The following SEMA3E variants were observed in gnomAD, a reference collection of about 807,000 sequenced individuals.
SEMA3E encodes semaphorin 3E.
Under a neutral mutation model 93.6 loss-of-function variants are expected in SEMA3E, and 49 were observed. The ratio of observed to expected loss-of-function variants is 0.52; its 90% CI spans 0.42 to 0.66. SEMA3E has a LOEUF of 0.66. Ranked by LOEUF, SEMA3E falls within the 30% of genes least tolerant of loss-of-function variation. The pLI is 0.00. For missense variants in SEMA3E, 906 were observed against 964.8 expected, an observed-to-expected ratio of 0.94 and a Z score of 0.81; for synonymous variants, 363 against 330.7, an observed-to-expected ratio of 1.10 and a Z score of -1.06.
At chr7:83,584,045 G>A (rs964205759) in intron 1 of SEMA3E, among the ~76,000 whole-genome samples, 5 of 152,080 alleles carry the variant, frequency 3.3e-5, no homozygotes, top group Non-Finnish European at 4.4e-5. Context: ...GGTAATAAAT[G>A]TTCTTGTTTT....
intron 13 of SEMA3E, 45 bp from the exon 14 acceptor site, chr7:83,392,766 T>C (rs771101409): frequency 1.3e-6 from 2 of 1,560,188 alleles, no homozygotes; most frequent in Admixed American, 3.3e-5. Flanking sequence ...GGACAAAACT[T>C]TCACTGAGCT....
intron 11 of SEMA3E, among the ~76,000 whole-genome samples, chr7:83,398,425 A>G (rs1202094871): frequency 6.6e-6 from 1 of 152,226 alleles, no homozygotes; most frequent in Non-Finnish European, 1.5e-5. Flanking sequence ...AGTATTGATT[A>G]TGCAACTTTT....
intron 1 of SEMA3E, among the ~76,000 whole-genome samples, chr7:83,523,445 A>G (rs1335595055): frequency 6.6e-6 from 1 of 152,152 alleles, no homozygotes; most frequent in Non-Finnish European, 1.5e-5. Context: ...TGGATAAAAT[A>G]TGGTTTTTCA....
Position 83,404,778 on chromosome 7 carries a change from T to C in SEMA3E, c.998+672A>G, listed in dbSNP as rs11771733. On this transcript the variant is annotated intron_variant, in intron 9 of 16. Transcript: ENST00000643230. ...CAACGTAAGAGCAGGAAAATCAGAATGAAAGAGTGAGAAGAGTGTTCTATG... is the reference window on the plus strand; with the variant it reads ...CAACGTAAGAGCAGGAAAATCAGAACGAAAGAGTGAGAAGAGTGTTCTATG... 3.9e-3 allele frequency among the ~76,000 whole-genome samples: 596 copies of C among 152,022 alleles called. 1 individual carries two copies. The highest frequency in any genetic ancestry group is 6.0e-3 in the Non-Finnish European group (408 of 67,916).
chr7:83,433,822 G>C (rs2709948), intron 4 of SEMA3E, among the ~76,000 whole-genome samples: 110,815 of 151,948 alleles, frequency 0.73, 41,055 homozygotes, highest in East Asian at 1. Context: ...TAGCTCAAAA[G>C]TTTTTATAGC....
intron 1 of SEMA3E, among the ~76,000 whole-genome samples, chr7:83,492,726 G>T (rs996028207): frequency 3.0e-5 from 4 of 132,570 alleles, no homozygotes; most frequent in Non-Finnish European, 7.0e-5. Flanking sequence ...ATATATATAT[G>T]TACACACACA....
At chr7:83,379,207 A>G (rs919584632) in intron 16 of SEMA3E, among the ~76,000 whole-genome samples, 1 of 151,614 alleles carries the variant, frequency 6.6e-6, no homozygotes, top group Non-Finnish European at 1.5e-5. Flanking sequence ...ACAATTGGAT[A>G]TATGGAGTGG....
intron 5 of SEMA3E, among the ~76,000 whole-genome samples, chr7:83,416,141 G>A (rs566644151): frequency 2.0e-5 from 3 of 152,170 alleles, no homozygotes; most frequent in Middle Eastern, 3.4e-3. Flanking sequence ...CACAGTGAGT[G>A]AATGATCTCT....
chr7:83,495,294 C>T (rs538086790), intron 1 of SEMA3E, among the ~76,000 whole-genome samples: 1 of 151,520 alleles, frequency 6.6e-6, no homozygotes, highest in Non-Finnish European at 1.5e-5. Flanking sequence ...TCATTTTTCC[C>T]GATAATAACT....
chr7:83,638,444 A>G lies in SEMA3E; in HGVS notation c.115+9984T>C, dbSNP rs188010684. ...TAAAATGCTTTTCCATGATCGATCC[A>G]TATTAGATGTTTTCTCATCAGAACT... On this transcript the variant is annotated intron_variant, in intron 1 of 16. Transcript: ENST00000643230. Among the ~76,000 whole-genome samples the G allele has an allele frequency of 1.4e-4, 21 of 152,344 alleles. No homozygotes were observed. In the East Asian group the frequency reaches 4.1e-3, roughly 29 times the overall value.
Position 83,610,156 on chromosome 7 carries a change from G to A in SEMA3E, c.115+38272C>T, listed in dbSNP as rs1793220537. Among the ~76,000 whole-genome samples the A allele has an allele frequency of 3.3e-5, 5 of 152,030 alleles. No individual in the cohort carries two copies. In the South Asian group the frequency reaches 1.0e-3, roughly 31 times the overall value. On this transcript the variant is annotated intron_variant, in intron 1 of 16. Transcript: ENST00000643230. The stretch of plus-strand genomic sequence containing the variant: ...TTACAGATTGGCAGACTGGATTTTA[G>A]TCTGAAGTTCCTAGAATGAAAAAGA...
intron 1 of SEMA3E, among the ~76,000 whole-genome samples, chr7:83,494,545 G>T (rs1790449219): frequency 6.6e-6 from 1 of 151,820 alleles, no homozygotes; most frequent in Non-Finnish European, 1.5e-5. Context: ...GAATATTAAT[G>T]ACTGCAATGA....
intron 1 of SEMA3E, among the ~76,000 whole-genome samples, chr7:83,636,016 TTC>T (rs1377359130): frequency 6.6e-6 from 1 of 152,134 alleles, no homozygotes; most frequent in Non-Finnish European, 1.5e-5. Flanking sequence ...TTCATTCTTT[TTC>T]TCTGTTTCTT....
intron 4 of SEMA3E, among the ~76,000 whole-genome samples, chr7:83,443,694 T>C (rs1009838609): frequency 2.0e-5 from 3 of 152,154 alleles, no homozygotes; most frequent in Admixed American, 1.3e-4. Flanking sequence ...ATATGTGATC[T>C]TGAATTTTCA....
chr7:83,403,204 T>C (rs1788264362), intron 9 of SEMA3E, among the ~76,000 whole-genome samples: 2 of 151,998 alleles, frequency 1.3e-5, no homozygotes, highest in Admixed American at 1.3e-4. Context: ...TTAATATTGC[T>C]ACAAATTCTA....
At chr7:83,603,863 C>T (rs1020604626) in intron 1 of SEMA3E, among the ~76,000 whole-genome samples, 42 of 152,234 alleles carry the variant, frequency 2.8e-4, no homozygotes, top group East Asian at 1.4e-3. Flanking sequence ...CAAGCATTTG[C>T]ATACTTTTCA....
chr7:83,457,156 T>G (rs1789501649), intron 4 of SEMA3E, among the ~76,000 whole-genome samples: 2 of 152,084 alleles, frequency 1.3e-5, no homozygotes, highest in South Asian at 4.1e-4. Flanking sequence ...ACCTAAATAA[T>G]GGCACTTTTC....
At chr7:83,465,652 A>T (rs748580521) in intron 4 of SEMA3E, among the ~76,000 whole-genome samples, 9 of 152,196 alleles carry the variant, frequency 5.9e-5, no homozygotes, top group Non-Finnish European at 1.3e-4. Context: ...GCTTAACAAC[A>T]GAATATCTAG....
intron 4 of SEMA3E, chr7:83,424,947 C>T: frequency 3.7e-6 from 1 of 268,008 alleles, no homozygotes; most frequent in Non-Finnish European, 7.6e-6. Context: ...AGCTGGATCC[C>T]AGTCTCCAGT....
Sources: allele counts gnomAD v4.1 joint callset (sites outside exome capture counted in the v4.1 genomes callset), GRCh38; gene constraint gnomAD v4.1.1; transcripts MANE v1.5; gene names NCBI Gene and HGNC (gene_info 2026-07-23, HGNC 2026-07-21).